AFAP1: variants seen among roughly 807,000 people sequenced by gnomAD.
AFAP1 encodes the protein actin filament-associated protein 1.
A neutral mutation model predicts 93.9 loss-of-function variants in AFAP1; 75 were observed. That is an observed-to-expected ratio of 0.80 (90% CI 0.66 to 0.97). The LOEUF (loss-of-function observed/expected upper bound fraction) is 0.97. Ranked by LOEUF, AFAP1 falls within the 50% of genes least tolerant of loss-of-function variation. The pLI is 0.00. For synonymous variants in AFAP1, 517 were observed against 430.7 expected (o/e 1.20, Z -2.48); for missense variants, 1,201 against 1,050.8 (o/e 1.14, Z -1.98).
intron 6 of AFAP1, among the ~76,000 whole-genome samples, chr4:7,829,242 C>T (rs577729891): frequency 6.6e-6 from 1 of 152,318 alleles, no homozygotes; most frequent in Non-Finnish European, 1.5e-5. Flanking sequence ...AATACACTAT[C>T]TCTCCACACA....
chr4:7,770,806 C>T (rs11737451), intron 16 of AFAP1, among the ~76,000 whole-genome samples: 14,957 of 152,124 alleles, frequency 0.098, 1,255 homozygotes, highest in East Asian at 0.48. Flanking sequence ...CCTGCCACCA[C>T]CCTCCACGCA....
intron 1 of AFAP1, among the ~76,000 whole-genome samples, chr4:7,910,269 G>C (rs991687358): frequency 2.6e-5 from 4 of 152,090 alleles, no homozygotes. Context: ...AGAAAACAGA[G>C]CCTGCTGGGA....
chr4:7,812,239 C>A (rs546888409), intron 8 of AFAP1, among the ~76,000 whole-genome samples: 1 of 152,098 alleles, frequency 6.6e-6, no homozygotes, highest in Admixed American at 6.5e-5. Context: ...GCCCGAGTGC[C>A]CGGGGCACCC....
intron 1 of AFAP1, among the ~76,000 whole-genome samples, chr4:7,907,885 TTTAA>T (rs1469130854): frequency 5.3e-5 from 8 of 152,076 alleles, no homozygotes; most frequent in African/African-American, 1.9e-4. Context: ...CATTCAATAG[TTTAA>T]TTAGCACCCA....
chr4:7,843,322 A>C lies in AFAP1; in HGVS notation c.363T>G (p.Ser121=). ...CCTCCTCTTCATCATACGACTCATA[A>C]GAGCTGCTCATCGCATCGGAATCAT... ...SNYDSDAMSS[S]YESYDEEEED... is the part of the protein sequence containing the mutation. Residue 121 remains serine, a synonymous_variant, in exon 5 of 18, where the codon TCT becomes TCG. Transcript: ENST00000420658. The C allele has an allele frequency of 6.2e-7, 1 of 1,614,020 alleles. No individual in the cohort carries two copies. The highest frequency in any genetic ancestry group is 8.5e-7 in the Non-Finnish European group (1 of 1,179,988).
intron 1 of AFAP1, among the ~76,000 whole-genome samples, chr4:7,890,130 C>T (rs1718377512): frequency 6.6e-6 from 1 of 152,042 alleles, no homozygotes; most frequent in East Asian, 1.9e-4. Flanking sequence ...ACTTCTATTA[C>T]CTAGCTTCAA....
chr4:7,916,142 G>A (rs2149231086), intron 1 of AFAP1, among the ~76,000 whole-genome samples: 1 of 152,254 alleles, frequency 6.6e-6, no homozygotes, highest in South Asian at 2.1e-4. Flanking sequence ...AATGTGCTTT[G>A]GGTAGGAGAC....
intron 1 of AFAP1, among the ~76,000 whole-genome samples, chr4:7,914,817 C>T (rs1385245508): frequency 2.0e-5 from 3 of 152,144 alleles, no homozygotes; most frequent in East Asian, 1.9e-4. Context: ...GATCTCAGCT[C>T]GCTCACTGTA....
intron 1 of AFAP1, among the ~76,000 whole-genome samples, chr4:7,899,739 T>C (rs995548923): frequency 1.3e-5 from 2 of 152,030 alleles, no homozygotes; most frequent in African/African-American, 4.8e-5. Flanking sequence ...AGCAGAAGAA[T>C]AACAAAGGGA....
chr4:7,801,833 C>A (rs947690055), intron 9 of AFAP1, among the ~76,000 whole-genome samples: 1 of 144,974 alleles, frequency 6.9e-6, no homozygotes, highest in Non-Finnish European at 1.5e-5. Flanking sequence ...GTAGTCCCAG[C>A]TACTTGGGAG....
intron 1 of AFAP1, among the ~76,000 whole-genome samples, chr4:7,914,378 T>A (rs1719946908): frequency 6.6e-6 from 1 of 152,172 alleles, no homozygotes; most frequent in Non-Finnish European, 1.5e-5. Flanking sequence ...ATTCTTGTTA[T>A]CCACATAAGA....
At chr4:7,879,524 C>A (rs1717720090) in intron 1 of AFAP1, among the ~76,000 whole-genome samples, 1 of 152,130 alleles carries the variant, frequency 6.6e-6, no homozygotes, top group African/African-American at 2.4e-5. Context: ...AAGAAAAAAT[C>A]TTCCCCAAAC....
intron 1 of AFAP1, among the ~76,000 whole-genome samples, chr4:7,905,067 C>T (rs1429101808): frequency 6.6e-6 from 1 of 152,162 alleles, no homozygotes; most frequent in Non-Finnish European, 1.5e-5. Context: ...GAGACTGCAG[C>T]GAGTCTCCTG....
intron 9 of AFAP1, among the ~76,000 whole-genome samples, chr4:7,804,203 T>A (rs1405085879): frequency 6.6e-6 from 1 of 152,134 alleles, no homozygotes; most frequent in African/African-American, 2.4e-5. Flanking sequence ...CACCACCAGG[T>A]GGTGCCAGAG....
chr4:7,874,356 CTTTTTTTTTTTTTTTT>C (rs869214535), intron 1 of AFAP1, among the ~76,000 whole-genome samples: 7 of 92,440 alleles, frequency 7.6e-5, no homozygotes, highest in Non-Finnish European at 1.2e-4. Flanking sequence ...TTGCCTTTTT[CTTTTTTTTTTTTTTTT>C]TTTTTTTTTG....
At chr4:7,801,591 CCTTT>C (rs774567568) in intron 9 of AFAP1, among the ~76,000 whole-genome samples, 9 of 152,036 alleles carry the variant, frequency 5.9e-5, no homozygotes, top group Non-Finnish European at 8.8e-5. Context: ...CTGCCCCCTT[CCTTT>C]AAGATTTAGA....
rs1236540602 is a variant in AFAP1, at chr4:7,789,721, GCCCC to G, written c.1413-3414_1413-3411del. On this transcript the variant is annotated intron_variant, in intron 11 of 17. Transcript: ENST00000420658. ...ATGCATCTCCCCACGCTCTGCACCA[GCCCC>G]TGCTTTCCATCCTCTTCATCCTCAC... 2.7e-5 allele frequency among the ~76,000 whole-genome samples: 4 copies of G among 148,242 alleles called. No individual in the cohort carries two copies. In the East Asian group the frequency reaches 8.0e-4, roughly 30 times the overall value.
At chr4:7,859,723 C>A (rs1298290393) in intron 3 of AFAP1, among the ~76,000 whole-genome samples, 1 of 152,164 alleles carries the variant, frequency 6.6e-6, no homozygotes, top group Non-Finnish European at 1.5e-5. Flanking sequence ...AAAACTAGTA[C>A]TTACACAACA....
chr4:7,925,934 A>G (rs1720708914), intron 1 of AFAP1, among the ~76,000 whole-genome samples: 1 of 152,234 alleles, frequency 6.6e-6, no homozygotes, highest in Non-Finnish European at 1.5e-5. Context: ...CATCTTTAAT[A>G]AAATAATTTT....
Sources: allele counts gnomAD v4.1 joint callset (sites outside exome capture counted in the v4.1 genomes callset), GRCh38; gene constraint gnomAD v4.1.1; transcripts MANE v1.5; gene names NCBI Gene and HGNC (gene_info 2026-07-23, HGNC 2026-07-21).